SLC3A1: variants seen among roughly 807,000 people sequenced by gnomAD.
SLC3A1 encodes solute carrier family 3 member 1.
In SLC3A1, 78 loss-of-function variants were observed where a neutral mutation model predicts 60.3. The ratio of observed to expected loss-of-function variants is 1.29; its 90% CI spans 1.08 to 1.56. SLC3A1 has a LOEUF of 1.56. Ranked by LOEUF, SLC3A1 falls within the 40% of genes most tolerant of loss-of-function variation. The probability of loss-of-function intolerance (pLI) is 0.00; values close to 1 mark genes in which losing one functional copy is unlikely to be tolerated. For missense variants in SLC3A1, 1,172 were observed against 858.9 expected, an observed-to-expected ratio of 1.36 and a Z score of -4.56; for synonymous variants, 392 against 307.9, an observed-to-expected ratio of 1.27 and a Z score of -2.86.
At chr2:44,303,914 C>T (rs993004047) in intron 6 of SLC3A1, 2 of 618,944 alleles carry the variant, frequency 3.2e-6, no homozygotes, top group Admixed American at 5.1e-5. Context: ...ATGGACTCAT[C>T]CTTTTTTATG....
chr2:44,281,005 C>G (rs993040788), intron 2 of SLC3A1, 110 bp downstream of exon 2: 95 of 777,906 alleles, frequency 1.2e-4, no homozygotes, highest in Non-Finnish European at 1.6e-4. Flanking sequence ...CTATTTCTTT[C>G]CCTCCCTCCC....
chr2:44,298,658 G>C (rs1020417298), intron 4 of SLC3A1, among the ~76,000 whole-genome samples: 1 of 151,996 alleles, frequency 6.6e-6, no homozygotes, highest in African/African-American at 2.4e-5. Flanking sequence ...GATTATAGGC[G>C]TGAGCCGCTG....
At chr2:44,297,339 C>T (rs954572537) in intron 4 of SLC3A1, among the ~76,000 whole-genome samples, 3 of 152,140 alleles carry the variant, frequency 2.0e-5, no homozygotes, top group Non-Finnish European at 2.9e-5. Flanking sequence ...GGCTCAGGAC[C>T]TCTGCTTTTC....
At chr2:44,276,785 A>G (rs969558154) in intron 1 of SLC3A1, among the ~76,000 whole-genome samples, 1 of 152,250 alleles carries the variant, frequency 6.6e-6, no homozygotes, top group Non-Finnish European at 1.5e-5. Flanking sequence ...TCCTTACAAT[A>G]TATTGCTCAA....
rs891024291 is a variant in SLC3A1 at position 44,320,923 on chromosome 2, T to G, written c.*284T>G. ...AGATTATTCAAAAACTTTAACGAAT[T>G]TTAAGGGGAAGAATTTTATCTTTTC... On this transcript the variant is annotated 3_prime_UTR_variant, in exon 10 of 10. Coordinates refer to ENST00000260649, the MANE Select transcript of SLC3A1 (RefSeq NM_000341.4). The G allele has an allele frequency of 1.1e-5, 5 of 444,320 alleles. No individual in the cohort carries two copies. The highest frequency in any genetic ancestry group is 9.9e-5 in the African/African-American group (5 of 50,326). The allele number at this position is 444,320 out of a possible 1,614,324, so 27.5% of individuals were successfully genotyped here. A position where few individuals can be genotyped will look rare whatever the true frequency, so the allele number is the denominator to read the frequency against.
At chr2:44,317,570 T>C (rs1478445145) in intron 9 of SLC3A1, 1 of 152,288 alleles carries the variant, frequency 6.6e-6, no homozygotes, top group Non-Finnish European at 1.5e-5. Context: ...CAGAAAGTTC[T>C]ATTGGCCAGC....
chr2:44,312,810 T>C, intron 8 of SLC3A1, 57 bp downstream of exon 8: 1 of 1,480,036 alleles, frequency 6.8e-7, no homozygotes, highest in Non-Finnish European at 9.3e-7. Flanking sequence ...TATTCATTTT[T>C]TATTTTTTGC....
At chr2:44,320,109 T>C in intron 9 of SLC3A1, 90 bp from the exon 10 acceptor site, 4 of 1,171,670 alleles carry the variant, frequency 3.4e-6, no homozygotes, top group Non-Finnish European at 2.4e-6. Flanking sequence ...GCAAGTGTTT[T>C]GGGTAAATAA....
intron 1 of SLC3A1, among the ~76,000 whole-genome samples, chr2:44,276,760 G>T (rs191660885): frequency 3.3e-5 from 5 of 152,098 alleles, no homozygotes; most frequent in African/African-American, 4.8e-5. Flanking sequence ...TTCTTGGTGG[G>T]TTATGTGTAA....
In SLC3A1 at chr2:44,320,748, A is replaced by G. The variant is rs755700908; in HGVS notation, c.*109A>G. ...GGTGAACAATCATTAATTCTTCGAT[A>G]TTTCTGTAGCTTGAATGTAACTGCT... On this transcript the variant is annotated 3_prime_UTR_variant, in exon 10 of 10. Coordinates refer to ENST00000260649, the MANE Select transcript of SLC3A1 (RefSeq NM_000341.4). The G allele has an allele frequency of 7.3e-5, 65 of 891,766 alleles. No homozygotes were observed. The highest frequency in any genetic ancestry group is 5.3e-4 in the South Asian group (38 of 71,848). The allele number at this position is 891,766 out of a possible 1,614,324, so 55.2% of individuals were successfully genotyped here.
chr2:44,304,055 T>C (rs1390807644), intron 6 of SLC3A1, 88 bp from the exon 7 acceptor site: 2 of 987,004 alleles, frequency 2.0e-6, no homozygotes, highest in Non-Finnish European at 3.3e-6. Context: ...AGCCCCTACA[T>C]CTTGTACATG....
intron 4 of SLC3A1, among the ~76,000 whole-genome samples, chr2:44,297,758 C>G (rs112797292): frequency 1.6e-4 from 25 of 152,228 alleles, no homozygotes; most frequent in African/African-American, 6.0e-4. Context: ...TACCACCACA[C>G]GCAGCTAATT....
At chr2:44,287,851 T>C (rs1191144381) in intron 4 of SLC3A1, among the ~76,000 whole-genome samples, 2 of 151,734 alleles carry the variant, frequency 1.3e-5, no homozygotes, top group Admixed American at 6.6e-5. Context: ...CCAGATAGAG[T>C]GGATGCAAGC....
At chr2:44,303,887 A>G (rs1310652118) in intron 6 of SLC3A1, 2 of 593,304 alleles carry the variant, frequency 3.4e-6, no homozygotes, top group Non-Finnish European at 6.0e-6. Context: ...AGCTTCATCC[A>G]TGTCCCTGCA....
intron 1 of SLC3A1, among the ~76,000 whole-genome samples, chr2:44,277,283 T>G (rs1045318244): frequency 2.6e-5 from 4 of 151,928 alleles, no homozygotes; most frequent in African/African-American, 9.7e-5. Context: ...AATTTTGTAT[T>G]TTTAATAGAG....
At chr2:44,280,166 G>A (rs1671460126) in intron 1 of SLC3A1, among the ~76,000 whole-genome samples, 1 of 152,138 alleles carries the variant, frequency 6.6e-6, no homozygotes, top group African/African-American at 2.4e-5. Flanking sequence ...TATAAAATAT[G>A]AGTAAGTCAC....
In SLC3A1 at chr2:44,288,720, G is replaced by A. The variant is rs149719476; in HGVS notation, c.891+2563G>A. On this transcript the variant is annotated intron_variant, in intron 4 of 9. Transcript: ENST00000260649. Reference sequence around the variant, plus strand: ...GGTATGAAGTGGCATCTCACTGGTTGTATTTGCCAAATGGCTAAAGACGTT... The same window carrying A: ...GGTATGAAGTGGCATCTCACTGGTTATATTTGCCAAATGGCTAAAGACGTT... Among the ~76,000 whole-genome samples, 511 of 152,348 alleles carry A rather than the reference G, an allele frequency of 3.4e-3. 2 individuals are homozygous for A. The highest frequency in any genetic ancestry group is 0.012 in the African/African-American group (483 of 41,580).
At position 44,301,125 on chromosome 2, in the gene SLC3A1, C is replaced by T. The variant is rs765521548; in HGVS notation, c.1134C>T (p.Tyr378=). ...MDQYSTEPGR[Y]RFMGTEAYAE... is the part of the protein sequence containing the mutation. The stretch of plus-strand genomic sequence containing the variant: ...AATACAGCACGGAGCCCGGCAGATA[C>T]AGGTTGACCACGGCATATGCTCTCA... Residue 378 remains tyrosine, a splice_region_variant and synonymous_variant, in exon 6 of 10, where the codon TAC becomes TAT. Transcript: ENST00000260649. 7 of 1,609,616 alleles carry T rather than the reference C, an allele frequency of 4.3e-6. No individual in the cohort carries two copies. In the African/African-American group the frequency reaches 5.6e-5, roughly 13 times the overall value.
intron 7 of SLC3A1, among the ~76,000 whole-genome samples, chr2:44,305,026 T>C (rs927347680): frequency 1.3e-5 from 2 of 151,922 alleles, no homozygotes; most frequent in East Asian, 3.9e-4. Context: ...GGAGGGAGTT[T>C]CACCATGTTG....
Sources: gnomAD v4.1 joint callset for allele counts (sites outside exome capture counted in the v4.1 genomes callset) on GRCh38, gnomAD v4.1.1 for gene constraint, MANE v1.5 for transcripts, NCBI Gene and HGNC (gene_info 2026-07-23, HGNC 2026-07-21) for gene names.